TNFSF4: variants seen among roughly 807,000 people sequenced by gnomAD.
TNFSF4 encodes tumor necrosis factor ligand superfamily member 4.
Under a neutral mutation model 7.3 loss-of-function variants are expected in TNFSF4, and 4 were observed. The ratio of observed to expected loss-of-function variants is 0.55; its 90% confidence interval spans 0.27 to 1.25. The LOEUF is 1.25. Among genes scored for constraint, TNFSF4 ranks in the 50% most tolerant of loss-of-function variants. The pLI is 0.12. For synonymous variants in TNFSF4, 76 were observed against 83.7 expected, an observed-to-expected ratio of 0.91 and a Z score of 0.50; for missense variants, 181 against 208.8, an observed-to-expected ratio of 0.87 and a Z score of 0.82.
chr1:173,403,538 A>G, the TNFSF4 span, among the ~76,000 whole-genome samples: 1 of 152,226 alleles, frequency 6.6e-6, no homozygotes, highest in Non-Finnish European at 1.5e-5. Context: ...ACAGATCTAC[A>G]TACGTAACAA....
At chr1:173,250,235 C>A in the TNFSF4 span, among the ~76,000 whole-genome samples, 1 of 152,150 alleles carries the variant, frequency 6.6e-6, no homozygotes, top group Admixed American at 6.5e-5. Context: ...TAAAGGTTTT[C>A]ATTAATTTTA....
the TNFSF4 span, among the ~76,000 whole-genome samples, chr1:173,214,967 T>A: frequency 6.6e-6 from 1 of 152,306 alleles, no homozygotes; most frequent in Middle Eastern, 3.4e-3. Context: ...GCTGGTGTTA[T>A]GGCCTGAATG....
At chr1:173,316,296 G>A in the TNFSF4 span, among the ~76,000 whole-genome samples, 87 of 151,936 alleles carry the variant, frequency 5.7e-4, 1 homozygote, top group Non-Finnish European at 5.2e-4. Flanking sequence ...TCAAAACATC[G>A]TTTTTACCTT....
chr1:173,408,678 C>G, the TNFSF4 span, among the ~76,000 whole-genome samples: 1 of 150,332 alleles, frequency 6.7e-6, no homozygotes, highest in Non-Finnish European at 1.5e-5. Flanking sequence ...GCCTCAACTT[C>G]CCAGGCCCAG....
the TNFSF4 span, among the ~76,000 whole-genome samples, chr1:173,303,827 A>AT: frequency 6.6e-6 from 1 of 151,830 alleles, no homozygotes; most frequent in Non-Finnish European, 1.5e-5. Context: ...TTCTCTAACC[A>AT]TTTTTTCTAC....
the TNFSF4 span, among the ~76,000 whole-genome samples, chr1:173,445,212 T>C: frequency 1.3e-5 from 2 of 152,180 alleles, no homozygotes; most frequent in African/African-American, 4.8e-5. Flanking sequence ...CTAAGGACTC[T>C]GAAAGGTAAA....
the TNFSF4 span, among the ~76,000 whole-genome samples, chr1:173,397,605 C>A: frequency 4.1e-4 from 62 of 152,262 alleles, no homozygotes; most frequent in African/African-American, 1.3e-3. Flanking sequence ...TGGTTATTTC[C>A]CCAGTTTTGG....
the TNFSF4 span, among the ~76,000 whole-genome samples, chr1:173,394,919 G>GAGATAGATAGATAGATAGAT: frequency 2.0e-5 from 3 of 150,010 alleles, no homozygotes; most frequent in South Asian, 2.1e-4. Context: ...TAGATAGATA[G>GAGATAGATAGATAGATAGAT]AGATAGATAG....
the TNFSF4 span, among the ~76,000 whole-genome samples, chr1:173,286,775 A>G: frequency 6.6e-6 from 1 of 152,186 alleles, no homozygotes; most frequent in African/African-American, 2.4e-5. Flanking sequence ...TGTGTTGATC[A>G]AAAGACACTA....
chr1:173,272,402 T>C, the TNFSF4 span, among the ~76,000 whole-genome samples: 3 of 152,018 alleles, frequency 2.0e-5, no homozygotes, highest in African/African-American at 7.2e-5. Context: ...TTTTACATTA[T>C]TAGCTGGAAA....
chr1:173,370,652 A>G, the TNFSF4 span, among the ~76,000 whole-genome samples: 1 of 152,334 alleles, frequency 6.6e-6, no homozygotes, highest in East Asian at 1.9e-4. Context: ...AGCCACAGAT[A>G]TCAGGAGAAA....
the TNFSF4 span, among the ~76,000 whole-genome samples, chr1:173,268,962 C>G: frequency 2.0e-5 from 3 of 152,044 alleles, no homozygotes; most frequent in African/African-American, 7.2e-5. Context: ...GTTGTAAATA[C>G]ATAACCTCAA....
In TNFSF4 at chr1:173,207,320, A is replaced by G. The variant is rs529500014; in HGVS notation, c.-144T>C. The G allele has an allele frequency of 4.5e-6, 3 of 668,346 alleles. No homozygotes were observed. In the South Asian group the frequency reaches 1.0e-4, roughly 23 times the overall value. The allele number at this position is 668,346 out of a possible 1,614,324, so 41.4% of individuals were successfully genotyped here. On this transcript the variant is annotated 5_prime_UTR_variant, in exon 1 of 3. Coordinates refer to ENST00000281834, the MANE Select transcript of TNFSF4 (RefSeq NM_003326.5). Reference sequence around the variant, plus strand: ...AGGCAAAGGTCCCAGGGCCAGAGATAAAAGGCGATTGAAAGAGCAAAGCGG... The same window carrying G: ...AGGCAAAGGTCCCAGGGCCAGAGATGAAAGGCGATTGAAAGAGCAAAGCGG...
At chr1:173,200,406 G>A (rs967835990) in intron 1 of TNFSF4, among the ~76,000 whole-genome samples, 2 of 152,128 alleles carry the variant, frequency 1.3e-5, no homozygotes, top group African/African-American at 4.8e-5. Flanking sequence ...GTAGTACATT[G>A]AATAATACCA....
chr1:173,288,541 C>T, the TNFSF4 span, among the ~76,000 whole-genome samples: 17 of 151,988 alleles, frequency 1.1e-4, no homozygotes, highest in East Asian at 3.3e-3. Flanking sequence ...AGAAATGGTT[C>T]CCAATAATTA....
At chr1:173,241,000 A>AT in the TNFSF4 span, among the ~76,000 whole-genome samples, 1 of 151,830 alleles carries the variant, frequency 6.6e-6, no homozygotes, top group Admixed American at 6.6e-5. Flanking sequence ...ACATTTACCT[A>AT]TTTTTTCTAT....
chr1:173,437,568 T>C, the TNFSF4 span, among the ~76,000 whole-genome samples: 6 of 152,208 alleles, frequency 3.9e-5, no homozygotes, highest in Non-Finnish European at 2.9e-5. Flanking sequence ...ACTAATTCCA[T>C]TTGGAATTTG....
the TNFSF4 span, among the ~76,000 whole-genome samples, chr1:173,427,216 A>G: frequency 4.4e-3 from 667 of 152,348 alleles, 8 homozygotes; most frequent in African/African-American, 0.015. Context: ...CTGTGGACAG[A>G]TAACCTTTCA....
chr1:173,375,756 A>T, the TNFSF4 span, among the ~76,000 whole-genome samples: 1 of 152,188 alleles, frequency 6.6e-6, no homozygotes, highest in Non-Finnish European at 1.5e-5. Context: ...AAATAAGGGA[A>T]TAAAAGCTGG....
Sources: gnomAD v4.1 joint callset for allele counts (sites outside exome capture counted in the v4.1 genomes callset) on GRCh38, gnomAD v4.1.1 for gene constraint, MANE v1.5 for transcripts, NCBI Gene and HGNC (gene_info 2026-07-23, HGNC 2026-07-21) for gene names.